VPS13B: variants seen among roughly 807,000 people sequenced by gnomAD.
The protein encoded by VPS13B is intermembrane lipid transfer protein VPS13B.
VPS13B carries 285 observed loss-of-function variants against 426.4 expected under a neutral mutation model. That is an observed-to-expected ratio of 0.67 (90% CI 0.61 to 0.74). VPS13B has a LOEUF of 0.74. Among genes scored for constraint, VPS13B ranks in the 30% least tolerant of loss-of-function variants. The probability of loss-of-function intolerance (pLI) is 0.00; values close to 1 mark genes in which losing one functional copy is unlikely to be tolerated. For synonymous variants in VPS13B, 1,676 were observed against 1,676.4 expected (o/e 1.00, Z 0.01); for missense variants, 4,537 against 4,782.6 (o/e 0.95, Z 1.51).
chr8:99,089,360 T>G (rs1221311603), intron 3 of VPS13B, among the ~76,000 whole-genome samples: 1 of 152,116 alleles, frequency 6.6e-6, no homozygotes, highest in Non-Finnish European at 1.5e-5. Context: ...AAGTCTCAAT[T>G]TAGAAGTTTA....
intron 34 of VPS13B, among the ~76,000 whole-genome samples, chr8:99,647,571 T>A (rs1403617028): frequency 1.5e-4 from 19 of 130,316 alleles, no homozygotes; most frequent in Admixed American, 3.4e-4. Flanking sequence ...AGAGCAAGAC[T>A]GTAAAAAAAA....
chr8:99,398,712 CA>C (rs1814872696), intron 21 of VPS13B, among the ~76,000 whole-genome samples: 1 of 152,124 alleles, frequency 6.6e-6, no homozygotes, highest in Admixed American at 6.5e-5. Context: ...CAGGAAAAAT[CA>C]TTTCTTCTTT....
chr8:99,175,731 T>C (rs1294748554), intron 16 of VPS13B, among the ~76,000 whole-genome samples: 2 of 152,158 alleles, frequency 1.3e-5, no homozygotes, highest in African/African-American at 4.8e-5. Context: ...CTCTCCAGCC[T>C]GAGTGACAGC....
chr8:99,809,707 C>T (rs1368032586), intron 44 of VPS13B, among the ~76,000 whole-genome samples, 177 bp downstream of exon 44: 2 of 152,196 alleles, frequency 1.3e-5, no homozygotes, highest in African/African-American at 4.8e-5. Flanking sequence ...ATGATGGCTT[C>T]AAACCCTTTG....
intron 19 of VPS13B, among the ~76,000 whole-genome samples, chr8:99,364,009 T>G (rs1028539023): frequency 1.3e-5 from 2 of 152,162 alleles, no homozygotes; most frequent in Non-Finnish European, 2.9e-5. Flanking sequence ...TGTGGAATAA[T>G]AGTAGTGAAG....
chr8:99,511,074 G>A, intron 28 of VPS13B, 30 bp from the exon 29 acceptor site: 2 of 1,608,584 alleles, frequency 1.2e-6, no homozygotes, highest in South Asian at 1.1e-5. Context: ...TTAATGAACT[G>A]TGTATTGTGA....
At chr8:99,784,788 C>G (rs973473399) in intron 43 of VPS13B, among the ~76,000 whole-genome samples, 2 of 152,084 alleles carry the variant, frequency 1.3e-5, no homozygotes, top group African/African-American at 4.8e-5. Flanking sequence ...CTTCAGTTTT[C>G]TCATATGTAA....
chr8:99,100,904 C>T (rs1310185675), intron 4 of VPS13B, among the ~76,000 whole-genome samples: 15 of 151,760 alleles, frequency 9.9e-5, no homozygotes, highest in African/African-American at 3.6e-4. Context: ...ATTAGCCTGA[C>T]GTGGTGGCAC....
intron 39 of VPS13B, among the ~76,000 whole-genome samples, chr8:99,764,708 C>T (rs528744098): frequency 6.6e-6 from 1 of 152,084 alleles, no homozygotes; most frequent in South Asian, 2.1e-4. Flanking sequence ...AGCCACCACA[C>T]CTGGCATAGA....
Position 99,412,759 on chromosome 8 carries a change from T to C in VPS13B, c.3083-18778T>C, listed in dbSNP as rs190285783. ...AGATACATTCCATCAATACCTAGTTTATTGAGAGTTTTTAGCATGAAGGGG... is the reference window on the plus strand; with the variant it reads ...AGATACATTCCATCAATACCTAGTTCATTGAGAGTTTTTAGCATGAAGGGG... On this transcript the variant is annotated intron_variant, in intron 21 of 61. Coordinates refer to ENST00000357162, the MANE Select transcript of VPS13B (RefSeq NM_152564.5). Among the ~76,000 whole-genome samples the C allele has an allele frequency of 5.8e-4, 89 of 152,328 alleles. 3 individuals carry two copies. The highest frequency in any genetic ancestry group is 5.1e-3 in the Admixed American group (78 of 15,298).
Position 99,623,482 on chromosome 8 carries a change from T to G in VPS13B, c.5221-18329T>G, listed in dbSNP as rs113984246. 1.7e-3 allele frequency among the ~76,000 whole-genome samples: 266 copies of G among 152,312 alleles called. 1 individual carries two copies. Among genetic ancestry groups the G allele is most frequent in the African/African-American group, 4.9e-3 (204 of 41,556 alleles). ...GAGTTTTTTTGTTGTTGTTGTTGTTTTTTGTTTTTACTGGTATCTACCCAG... is the reference window on the plus strand; with the variant it reads ...GAGTTTTTTTGTTGTTGTTGTTGTTGTTTGTTTTTACTGGTATCTACCCAG... On this transcript the variant is annotated intron_variant, in intron 33 of 61. Transcript: ENST00000357162.
chr8:99,874,376 A>AACTC (rs1327238983), intron 61 of VPS13B, among the ~76,000 whole-genome samples: 1 of 152,212 alleles, frequency 6.6e-6, no homozygotes, highest in Non-Finnish European at 1.5e-5. Context: ...ACAAGATTCA[A>AACTC]ACTCTAAGGG....
intron 14 of VPS13B, among the ~76,000 whole-genome samples, chr8:99,149,976 C>A (rs114348713): frequency 6.6e-6 from 1 of 152,156 alleles, no homozygotes; most frequent in Non-Finnish European, 1.5e-5. Context: ...TGAAATTAAT[C>A]TCCGATGCCA....
intron 35 of VPS13B, among the ~76,000 whole-genome samples, chr8:99,676,587 G>A (rs1830942853): frequency 6.6e-6 from 1 of 151,866 alleles, no homozygotes; most frequent in African/African-American, 2.4e-5. Context: ...GGGGAGAGTT[G>A]ACACAGAGAA....
chr8:99,574,548 A>G (rs1398399068), intron 31 of VPS13B, among the ~76,000 whole-genome samples: 2 of 152,186 alleles, frequency 1.3e-5, no homozygotes, highest in African/African-American at 4.8e-5. Flanking sequence ...TTCTGCATCT[A>G]TTGAGATAAT....
chr8:99,787,637 G>A (rs977689485), intron 43 of VPS13B, among the ~76,000 whole-genome samples: 16 of 152,262 alleles, frequency 1.1e-4, no homozygotes, highest in Non-Finnish European at 1.9e-4. Flanking sequence ...GACCAGAAGT[G>A]TGAGTTTATA....
In VPS13B at chr8:99,112,332, C is replaced by T. The variant is rs1000078117; in HGVS notation, c.762+1053C>T. Among the ~76,000 whole-genome samples, 4 of 152,256 alleles carry T rather than the reference C, an allele frequency of 2.6e-5. No individual in the cohort carries two copies. The South Asian group carries it at 6.2e-4, about 24-fold the overall frequency. Reference sequence around the variant, plus strand: ...GGTGTCTGAACACTGGTATTAACTACTGTTCCTGTTTGAGTATGGCTGTAT... The same window carrying T: ...GGTGTCTGAACACTGGTATTAACTATTGTTCCTGTTTGAGTATGGCTGTAT... On this transcript the variant is annotated intron_variant, in intron 6 of 61. Coordinates refer to ENST00000357162, the MANE Select transcript of VPS13B (RefSeq NM_152564.5).
chr8:99,202,629 C>T (rs986267837), intron 17 of VPS13B, among the ~76,000 whole-genome samples: 1 of 152,188 alleles, frequency 6.6e-6, no homozygotes. Flanking sequence ...CAAAGAGGAG[C>T]TGGTACCATT....
Position 99,809,356 on chromosome 8 carries a change from T to A in VPS13B, c.7942-19T>A, listed in dbSNP as rs200318613. Reference sequence around the variant, plus strand: ...GTTGGCACGTTTGGCATTATGACGATTATTGTTTTTTTCTCCAGCTGTTAC... The same window carrying A: ...GTTGGCACGTTTGGCATTATGACGAATATTGTTTTTTTCTCCAGCTGTTAC... On this transcript the variant is annotated intron_variant, in intron 43 of 61. Coordinates refer to ENST00000357162, the MANE Select transcript of VPS13B (RefSeq NM_152564.5). The A allele has an allele frequency of 7.5e-5, 121 of 1,613,782 alleles. 1 individual carries two copies. Among genetic ancestry groups the A allele is most frequent in the Non-Finnish European group, 9.6e-5 (113 of 1,179,912 alleles).
Sources: gnomAD v4.1 joint callset for allele counts (sites outside exome capture counted in the v4.1 genomes callset) on GRCh38, gnomAD v4.1.1 for gene constraint, MANE v1.5 for transcripts, NCBI Gene and HGNC (gene_info 2026-07-23, HGNC 2026-07-21) for gene names.